The following ADGRD1 variants were observed in gnomAD, a reference collection of about 807,000 sequenced individuals.
ADGRD1 encodes the protein G-protein coupled receptor 133.
A neutral mutation model predicts 113.4 loss-of-function variants in ADGRD1; 77 were observed. The observed-to-expected ratio is 0.68, with a 90% CI of 0.57 to 0.82. The LOEUF (loss-of-function observed/expected upper bound fraction) is 0.82, where lower values mean the gene tolerates loss of function less well. Ranked by LOEUF, ADGRD1 falls within the 40% of genes least tolerant of loss-of-function variation. The pLI is 0.00. For missense variants in ADGRD1, 1,036 were observed against 1,139.1 expected, an observed-to-expected ratio of 0.91 and a Z score of 1.30; for synonymous variants, 474 against 475.0, an observed-to-expected ratio of 1.00 and a Z score of 0.03.
chr12:130,995,982 A>ATGGGGTGATG (rs1171186729), intron 8 of ADGRD1, among the ~76,000 whole-genome samples: 12 of 151,970 alleles, frequency 7.9e-5, no homozygotes, highest in Non-Finnish European at 2.9e-5. Flanking sequence ...GATGACTCTT[A>ATGGGGTGATG]ACGAGCATGC....
intron 3 of ADGRD1, chr12:130,968,171 T>C (rs1871227331): frequency 6.6e-6 from 1 of 152,240 alleles, no homozygotes. Flanking sequence ...CTTAAATCAG[T>C]AACTCTTGGT....
chr12:131,067,660 T>C (rs1193040992), intron 13 of ADGRD1, among the ~76,000 whole-genome samples: 6 of 129,732 alleles, frequency 4.6e-5, no homozygotes, highest in Admixed American at 4.5e-4. Context: ...GCCCTCTGCC[T>C]CCTATATGTC....
chr12:131,136,255 C>A, intron 22 of ADGRD1, 92 bp downstream of exon 22: 1 of 1,476,696 alleles, frequency 6.8e-7, no homozygotes, highest in South Asian at 1.2e-5. Flanking sequence ...AGGAGGGAGG[C>A]CTGCCCTCCC....
chr12:131,019,289 G>A (rs1879019348), intron 13 of ADGRD1, among the ~76,000 whole-genome samples: 1 of 152,148 alleles, frequency 6.6e-6, no homozygotes, highest in African/African-American at 2.4e-5. Context: ...TGGGCAGAGC[G>A]GGTCTCCAGG....
At chr12:130,957,119 C>A in intron 2 of ADGRD1, 1 of 152,424 alleles carries the variant, frequency 6.6e-6, no homozygotes, top group Non-Finnish European at 1.5e-5. Flanking sequence ...CATATATACA[C>A]ATCCATGCAC....
At chr12:131,094,024 CGT>C (rs1566103835) in intron 15 of ADGRD1, among the ~76,000 whole-genome samples, 1 of 149,386 alleles carries the variant, frequency 6.7e-6, no homozygotes, top group African/African-American at 2.5e-5. Flanking sequence ...CAGCACCCAG[CGT>C]CAGCACCCAG....
chr12:131,137,149 T>TG, intron 23 of ADGRD1, 135 bp downstream of exon 23: 1 of 746,972 alleles, frequency 1.3e-6, no homozygotes, highest in Non-Finnish European at 2.4e-6. Context: ...ACGTTCCTGA[T>TG]GCCAAGTTGT....
intron 4 of ADGRD1, among the ~76,000 whole-genome samples, chr12:130,975,761 C>G (rs1040102432): frequency 2.2e-4 from 33 of 152,154 alleles, no homozygotes; most frequent in Non-Finnish European, 8.8e-5. Flanking sequence ...CAGACAACGG[C>G]AGAAAAAGAA....
chr12:130,972,052 G>T (rs551678509), intron 4 of ADGRD1, among the ~76,000 whole-genome samples: 1 of 152,276 alleles, frequency 6.6e-6, no homozygotes, highest in South Asian at 2.1e-4. Context: ...GCAGTGGCTC[G>T]AACTGTCCCG....
chr12:131,066,928 G>A (rs988769945), intron 13 of ADGRD1, among the ~76,000 whole-genome samples: 1 of 152,204 alleles, frequency 6.6e-6, no homozygotes, highest in Non-Finnish European at 1.5e-5. Flanking sequence ...GCTTTCCCCT[G>A]AGTAAGGTGG....
At chr12:131,107,039 G>A (rs1042252869) in intron 17 of ADGRD1, among the ~76,000 whole-genome samples, 2 of 152,248 alleles carry the variant, frequency 1.3e-5, no homozygotes, top group African/African-American at 4.8e-5. Context: ...GCTGGCAGCA[G>A]GAGGGGAGGC....
At chr12:131,035,359 CACGGCGTGTGCCA>C (rs1269763043) in intron 13 of ADGRD1, 1 of 152,396 alleles carries the variant, frequency 6.6e-6, no homozygotes, top group African/African-American at 2.4e-5. Flanking sequence ...TCCTGACGTG[CACGGCGTGTGCCA>C]CACAGTAGGG....
At chr12:131,093,227 C>G (rs1365036546) in intron 15 of ADGRD1, among the ~76,000 whole-genome samples, 1 of 152,216 alleles carries the variant, frequency 6.6e-6, no homozygotes, top group African/African-American at 2.4e-5. Flanking sequence ...TGCAGGCCCC[C>G]ACTGGCCTCC....
chr12:130,990,723 C>A (rs185512494), intron 6 of ADGRD1: 1 of 284,950 alleles, frequency 3.5e-6, no homozygotes, highest in Non-Finnish European at 6.6e-6. Context: ...TATTTGAAAT[C>A]GGTAATCCTT....
At chr12:130,994,578 T>C (rs960710314) in intron 8 of ADGRD1, among the ~76,000 whole-genome samples, 1 of 152,194 alleles carries the variant, frequency 6.6e-6, no homozygotes, top group African/African-American at 2.4e-5. Context: ...CTTAGCAGGC[T>C]CCCTCTGTGT....
intron 19 of ADGRD1, among the ~76,000 whole-genome samples, chr12:131,119,951 A>G (rs1950553394): frequency 6.6e-6 from 1 of 152,128 alleles, no homozygotes; most frequent in Non-Finnish European, 1.5e-5. Flanking sequence ...TGATCTCTGA[A>G]GTCACCTGAG....
intron 12 of ADGRD1, 104 bp downstream of exon 12, chr12:131,006,151 G>A: frequency 1.0e-6 from 1 of 995,860 alleles, no homozygotes. Flanking sequence ...TGAGAACTCT[G>A]GACACGAGTA....
intron 15 of ADGRD1, among the ~76,000 whole-genome samples, chr12:131,103,136 C>T (rs772456712): frequency 5.9e-5 from 9 of 152,248 alleles, no homozygotes; most frequent in Non-Finnish European, 1.0e-4. Flanking sequence ...GGAAGTTGTG[C>T]GCAGGTCCTT....
chr12:131,033,142 C>T (rs1593081403), intron 13 of ADGRD1, among the ~76,000 whole-genome samples: 1 of 152,354 alleles, frequency 6.6e-6, no homozygotes. Flanking sequence ...TGCATGCCCA[C>T]CCTCCGTGTG....
Sources: allele counts gnomAD v4.1 joint callset (sites outside exome capture counted in the v4.1 genomes callset), GRCh38; gene constraint gnomAD v4.1.1; transcripts MANE v1.5; gene names NCBI Gene and HGNC (gene_info 2026-07-23, HGNC 2026-07-21).